Variants in PDE4D observed in about 807,000 individuals in gnomAD.
PDE4D encodes the protein 3',5'-cyclic-AMP phosphodiesterase 4D.
In PDE4D, 24 loss-of-function variants were observed where a neutral mutation model predicts 87.4. The ratio of observed to expected loss-of-function variants is 0.27; its 90% CI spans 0.20 to 0.39. The LOEUF (loss-of-function observed/expected upper bound fraction) is 0.39, where lower values mean the gene tolerates loss of function less well. PDE4D is among the 10% of genes least tolerant of loss of function. The probability of loss-of-function intolerance (pLI) is 1.00; values close to 1 mark genes in which losing one functional copy is unlikely to be tolerated. For missense variants in PDE4D, 714 were observed against 1,041.0 expected (o/e 0.69, Z 4.32); for synonymous variants, 384 against 383.2 (o/e 1.00, Z -0.02).
At chr5:60,150,987 T>A (rs761554775) in intron 2 of PDE4D, among the ~76,000 whole-genome samples, 3 of 152,166 alleles carry the variant, frequency 2.0e-5, no homozygotes, top group Non-Finnish European at 4.4e-5. Flanking sequence ...ATAGAACCTA[T>A]GTTTCTAGCC....
At position 58,974,642 on chromosome 5, in the gene PDE4D, A is replaced by G; in HGVS notation, c.*22T>C. 6.7e-7 allele frequency: 1 copy of G among 1,503,536 alleles called. No individual in the cohort carries two copies. The highest frequency in any genetic ancestry group is 8.9e-7 in the Non-Finnish European group (1 of 1,123,450). The allele number at this position is 1,503,536 out of a possible 1,614,324, so 93.1% of individuals were successfully genotyped here. Reference sequence around the variant, plus strand: ...CAATTTTTCTACTTAAAAAAAAAAAAGGCATGAAAGTTTTTGCACTGTTAC... The same window carrying G: ...CAATTTTTCTACTTAAAAAAAAAAAGGGCATGAAAGTTTTTGCACTGTTAC... On this transcript the variant is annotated 3_prime_UTR_variant, in exon 15 of 15. Coordinates refer to ENST00000340635, the MANE Select transcript of PDE4D (RefSeq NM_001104631.2).
chr5:59,250,056 C>T (rs1759616638), intron 1 of PDE4D, among the ~76,000 whole-genome samples: 1 of 151,770 alleles, frequency 6.6e-6, no homozygotes, highest in African/African-American at 2.4e-5. Flanking sequence ...TGTTGCCAGG[C>T]TGGTCTCTAT....
At chr5:59,634,584 C>T (rs1478818443) in intron 1 of PDE4D, among the ~76,000 whole-genome samples, 1 of 152,160 alleles carries the variant, frequency 6.6e-6, no homozygotes, top group Admixed American at 6.5e-5. Context: ...TAAGAACTAA[C>T]TCAAAACAGC....
At chr5:59,853,483 T>A (rs1744977556) in intron 1 of PDE4D, among the ~76,000 whole-genome samples, 1 of 152,100 alleles carries the variant, frequency 6.6e-6, no homozygotes, top group Non-Finnish European at 1.5e-5. Context: ...TAGAGCTAAC[T>A]ACTCTTTTCA....
At chr5:59,540,393 G>A (rs780642311) in intron 1 of PDE4D, among the ~76,000 whole-genome samples, 50 of 151,842 alleles carry the variant, frequency 3.3e-4, no homozygotes, top group South Asian at 6.3e-4. Context: ...AAAAAAAGAG[G>A]GCTATTTCTG....
chr5:60,405,034 C>A (rs558830088), intron 1 of PDE4D, among the ~76,000 whole-genome samples: 2 of 152,368 alleles, frequency 1.3e-5, no homozygotes, highest in South Asian at 4.1e-4. Flanking sequence ...TTCTGACATA[C>A]AGACTACCCG....
chr5:59,250,385 C>T (rs1232112287), intron 1 of PDE4D, among the ~76,000 whole-genome samples: 1 of 149,446 alleles, frequency 6.7e-6, no homozygotes, highest in Non-Finnish European at 1.5e-5. Flanking sequence ...TGCAGCTACT[C>T]ATGAGGTTGA....
In PDE4D at chr5:58,974,630, TAAAAA is replaced by T. The variant is rs10718401; in HGVS notation, c.*29_*33del. On this transcript the variant is annotated 3_prime_UTR_variant, in exon 15 of 15. Coordinates refer to ENST00000340635, the MANE Select transcript of PDE4D (RefSeq NM_001104631.2). ...GCACTTTGGAAACAATTTTTCTACT[TAAAAA>T]AAAAAAAGGCATGAAAGTTTTTGCA... 12 of 1,233,024 alleles carry T rather than the reference TAAAAA, an allele frequency of 9.7e-6. No homozygotes were observed. Among genetic ancestry groups the T allele is most frequent in the Non-Finnish European group, 1.2e-5 (11 of 910,046 alleles). 76.4% of individuals were successfully genotyped at this position (1,233,024 alleles called of 1,614,324 possible).
chr5:59,713,864 G>T (rs577596109), intron 1 of PDE4D, among the ~76,000 whole-genome samples: 1 of 152,316 alleles, frequency 6.6e-6, no homozygotes, highest in South Asian at 2.1e-4. Flanking sequence ...ATCCCTGAGG[G>T]ATGCAGTGCA....
chr5:60,274,357 TG>T (rs1751143172), intron 1 of PDE4D, among the ~76,000 whole-genome samples: 1 of 152,044 alleles, frequency 6.6e-6, no homozygotes, highest in Non-Finnish European at 1.5e-5. Context: ...TTGTTGTTGT[TG>T]TTGTTGTTGT....
intron 1 of PDE4D, among the ~76,000 whole-genome samples, chr5:59,249,792 AG>A (rs1298795388): frequency 1.3e-5 from 2 of 152,010 alleles, no homozygotes; most frequent in African/African-American, 4.8e-5. Context: ...GAGTGTGTTG[AG>A]GTTATGAGAA....
intron 2 of PDE4D, among the ~76,000 whole-genome samples, chr5:60,178,587 G>A (rs1242028842): frequency 2.0e-5 from 3 of 152,034 alleles, no homozygotes; most frequent in Non-Finnish European, 4.4e-5. Flanking sequence ...ATAGAACCCT[G>A]CTGGCAAATC....
intron 1 of PDE4D, among the ~76,000 whole-genome samples, chr5:59,257,087 A>G (rs948384262): frequency 3.3e-5 from 5 of 152,114 alleles, no homozygotes; most frequent in African/African-American, 1.2e-4. Flanking sequence ...AATAATTACA[A>G]TGCAATACAT....
intron 1 of PDE4D, among the ~76,000 whole-genome samples, chr5:60,239,047 C>T (rs530936557): frequency 2.0e-5 from 3 of 152,016 alleles, no homozygotes; most frequent in Non-Finnish European, 1.5e-5. Flanking sequence ...CCTTCCCTGC[C>T]CACTGGCCAC....
intron 1 of PDE4D, among the ~76,000 whole-genome samples, chr5:59,815,244 G>A (rs1561705688): frequency 6.6e-6 from 1 of 152,210 alleles, no homozygotes; most frequent in Non-Finnish European, 1.5e-5. Context: ...ATTCCAAAAG[G>A]AGGAAAGGTC....
intron 6 of PDE4D, among the ~76,000 whole-genome samples, chr5:59,021,771 C>G (rs1184267145): frequency 6.6e-6 from 1 of 152,118 alleles, no homozygotes; most frequent in African/African-American, 2.4e-5. Flanking sequence ...AAAATGGAAT[C>G]AAGATAAAGG....
chr5:58,979,784 A>G (rs1744658129), intron 11 of PDE4D, among the ~76,000 whole-genome samples: 1 of 152,172 alleles, frequency 6.6e-6, no homozygotes, highest in Admixed American at 6.5e-5. Context: ...ACTTTGTACC[A>G]CCCATTTAGC....
rs539075720 is a variant in PDE4D at position 60,242,399 on chromosome 5, G to A, written c.-89-56712C>T. On this transcript the variant is annotated intron_variant, in intron 1 of 16. Coordinates refer to the PDE4D transcript ENST00000502484. ...CTGGAGAGTTCAACAGCCCACTTTCGTCATAGGACAGATCTCCCATATAGA... is the reference window on the plus strand; with the variant it reads ...CTGGAGAGTTCAACAGCCCACTTTCATCATAGGACAGATCTCCCATATAGA... Among the ~76,000 whole-genome samples, 80 of 152,110 alleles carry A rather than the reference G, an allele frequency of 5.3e-4. 1 individual carries two copies. The highest frequency in any genetic ancestry group is 3.4e-3 in the Middle Eastern group (1 of 294).
chr5:59,943,612 C>T (rs949363593), intron 3 of PDE4D, among the ~76,000 whole-genome samples: 1 of 152,178 alleles, frequency 6.6e-6, no homozygotes, highest in African/African-American at 2.4e-5. Context: ...CTAAAGATTT[C>T]ACCTCTGCTT....
Sources: allele counts gnomAD v4.1 joint callset (sites outside exome capture counted in the v4.1 genomes callset), GRCh38; gene constraint gnomAD v4.1.1; transcripts MANE v1.5; gene names NCBI Gene and HGNC (gene_info 2026-07-23, HGNC 2026-07-21).